GPC5: variants seen among roughly 807,000 people sequenced by gnomAD.
GPC5 encodes the protein glypican-5.
A neutral mutation model predicts 53.9 loss-of-function variants in GPC5; 47 were observed. That is an observed-to-expected ratio of 0.87 (90% confidence interval 0.69 to 1.11). The LOEUF (loss-of-function observed/expected upper bound fraction) is 1.11, where lower values mean the gene tolerates loss of function less well. Among genes scored for constraint, GPC5 ranks in the 50% most tolerant of loss-of-function variants. The probability of loss-of-function intolerance (pLI) is 0.00; values close to 1 mark genes in which losing one functional copy is unlikely to be tolerated. For missense variants in GPC5, 748 were observed against 713.1 expected, an observed-to-expected ratio of 1.05 and a Z score of -0.56; for synonymous variants, 286 against 263.3, an observed-to-expected ratio of 1.09 and a Z score of -0.84.
At chr13:92,256,238 T>C (rs1052835961) in intron 7 of GPC5, among the ~76,000 whole-genome samples, 2 of 151,908 alleles carry the variant, frequency 1.3e-5, no homozygotes, top group Non-Finnish European at 2.9e-5. Context: ...CAAGATGGTG[T>C]CCTCAATTGG....
chr13:92,449,583 T>G (rs1479668601), intron 7 of GPC5, among the ~76,000 whole-genome samples: 3 of 152,168 alleles, frequency 2.0e-5, no homozygotes, highest in Non-Finnish European at 4.4e-5. Context: ...AAGTATTATG[T>G]AATGCAGTAA....
chr13:92,744,855 G>C (rs1889202415), intron 7 of GPC5, among the ~76,000 whole-genome samples: 1 of 152,022 alleles, frequency 6.6e-6, no homozygotes, highest in Non-Finnish European at 1.5e-5. Context: ...AAGATGGCCA[G>C]ATGGATAGAT....
intron 6 of GPC5, among the ~76,000 whole-genome samples, chr13:91,976,986 C>A (rs1172558237): frequency 6.6e-6 from 1 of 151,682 alleles, no homozygotes; most frequent in African/African-American, 2.4e-5. Context: ...TTTCAGTGAA[C>A]CAAGATCATG....
At chr13:92,846,069 T>C (rs1344379781) in intron 7 of GPC5, among the ~76,000 whole-genome samples, 1 of 152,048 alleles carries the variant, frequency 6.6e-6, no homozygotes, top group Non-Finnish European at 1.5e-5. Flanking sequence ...AGGAAAGAAA[T>C]TTAATTGACT....
In GPC5 at chr13:91,640,614, A is replaced by G. The variant is rs542242053; in HGVS notation, c.326-52573A>G. On this transcript the variant is annotated intron_variant, in intron 2 of 7. Transcript: ENST00000377067. ...AACCAGAAATGCCATTTGACCCAGC[A>G]ATCCCATTACTAGGTTTATACCTAA... is the stretch of plus-strand genomic sequence containing the variant. Among the ~76,000 whole-genome samples the G allele has an allele frequency of 7.3e-4, 111 of 152,308 alleles. 2 individuals carry two copies. The highest frequency in any genetic ancestry group is 2.5e-3 in the African/African-American group (105 of 41,576).
intron 2 of GPC5, among the ~76,000 whole-genome samples, chr13:91,529,020 A>G (rs1038465364): frequency 6.6e-6 from 1 of 152,196 alleles, no homozygotes; most frequent in African/African-American, 2.4e-5. Flanking sequence ...ACACAAAGCC[A>G]AATCATATCA....
intron 5 of GPC5, among the ~76,000 whole-genome samples, chr13:91,864,511 G>T (rs1398057872): frequency 6.6e-6 from 1 of 152,064 alleles, no homozygotes; most frequent in South Asian, 2.1e-4. Context: ...TATAGAACTG[G>T]ACCCATGTAG....
chr13:91,929,870 G>A (rs1391822596), intron 6 of GPC5, among the ~76,000 whole-genome samples: 1 of 151,866 alleles, frequency 6.6e-6, no homozygotes, highest in Non-Finnish European at 1.5e-5. Flanking sequence ...GAACATCAGA[G>A]CACTTTTAGA....
intron 7 of GPC5, among the ~76,000 whole-genome samples, chr13:92,700,018 G>A (rs1887677837): frequency 6.6e-6 from 1 of 152,102 alleles, no homozygotes; most frequent in African/African-American, 2.4e-5. Context: ...GTCTAATATT[G>A]ACAGTGGTGT....
chr13:91,470,613 G>T (rs1882559500), intron 2 of GPC5, among the ~76,000 whole-genome samples: 1 of 152,162 alleles, frequency 6.6e-6, no homozygotes, highest in Non-Finnish European at 1.5e-5. Flanking sequence ...TTTGAATCAG[G>T]TAAGAGAGTA....
chr13:91,681,038 T>C (rs759641747), intron 2 of GPC5, among the ~76,000 whole-genome samples: 62 of 152,150 alleles, frequency 4.1e-4, no homozygotes, highest in Non-Finnish European at 8.2e-4. Context: ...TTTCTATATA[T>C]ATATGTGTGT....
chr13:92,549,753 C>G (rs761421193), intron 7 of GPC5, among the ~76,000 whole-genome samples: 2 of 151,910 alleles, frequency 1.3e-5, no homozygotes, highest in Admixed American at 6.6e-5. Context: ...TTTACATCCT[C>G]AAACAGTTTG....
chr13:92,747,302 T>G (rs1017699409), intron 7 of GPC5, among the ~76,000 whole-genome samples: 17 of 152,178 alleles, frequency 1.1e-4, no homozygotes, highest in Admixed American at 6.5e-4. Flanking sequence ...GCATTGTCAT[T>G]GCTTAAGACC....
At chr13:92,410,646 G>T (rs1161618628) in intron 7 of GPC5, among the ~76,000 whole-genome samples, 1 of 152,172 alleles carries the variant, frequency 6.6e-6, no homozygotes, top group Non-Finnish European at 1.5e-5. Context: ...GAGAACTGTT[G>T]TGATGCAAAA....
Position 91,440,292 on chromosome 13 carries a change from C to T in GPC5, c.164-8469C>T, listed in dbSNP as rs181488233. On this transcript the variant is annotated intron_variant, in intron 1 of 7. Transcript: ENST00000377067. Reference sequence around the variant, plus strand: ...TCCTTTCATCCATCTATCCATCCATCTATTTATTTTTAATCTTTTTCTCTG... The same window carrying T: ...TCCTTTCATCCATCTATCCATCCATTTATTTATTTTTAATCTTTTTCTCTG... Among the ~76,000 whole-genome samples, 2 of 152,250 alleles carry T rather than the reference C, an allele frequency of 1.3e-5. 1 individual carries two copies. The highest frequency in any genetic ancestry group is 3.9e-4 in the East Asian group (2 of 5,180).
rs555179504 is a variant in GPC5, at chr13:91,553,422, G to A, written c.325+104500G>A. Among the ~76,000 whole-genome samples the A allele has an allele frequency of 1.1e-4, 16 of 152,084 alleles. No individual in the cohort carries two copies. The South Asian group carries it at 3.1e-3, about 30-fold the overall frequency. ...TTCTCCTTTATTTTTTTAAAACACA[G>A]TTAGAGCTCAATAAATGCCTGTAGA... On this transcript the variant is annotated intron_variant, in intron 2 of 7. Transcript: ENST00000377067.
chr13:92,308,446 T>A (rs2043125351), intron 7 of GPC5, among the ~76,000 whole-genome samples: 2 of 152,200 alleles, frequency 1.3e-5, no homozygotes, highest in African/African-American at 4.8e-5. Context: ...TCTACGAGTT[T>A]ATATTCATTA....
intron 7 of GPC5, chr13:92,340,424 A>G (rs1176122980): frequency 1.3e-5 from 2 of 152,076 alleles, no homozygotes; most frequent in South Asian, 2.1e-4. Flanking sequence ...GAATCTCTCT[A>G]TGTCATCCGG....
At chr13:91,491,235 A>T (rs1026310397) in intron 2 of GPC5, among the ~76,000 whole-genome samples, 2 of 152,140 alleles carry the variant, frequency 1.3e-5, no homozygotes, top group African/African-American at 2.4e-5. Flanking sequence ...AGATTTTTTT[A>T]AAATCCAATT....
Sources: gnomAD v4.1 joint callset for allele counts (sites outside exome capture counted in the v4.1 genomes callset) on GRCh38, gnomAD v4.1.1 for gene constraint, MANE v1.5 for transcripts, NCBI Gene and HGNC (gene_info 2026-07-23, HGNC 2026-07-21) for gene names.